Variants in EDN1 observed in about 807,000 individuals in gnomAD.
The protein encoded by EDN1 is endothelin-1.
EDN1 carries 11 observed loss-of-function variants against 21.7 expected under a neutral mutation model. That is an observed-to-expected ratio of 0.51 (90% CI 0.32 to 0.84). EDN1 has a LOEUF of 0.84. Among genes scored for constraint, EDN1 ranks in the 40% least tolerant of loss-of-function variants. The pLI is 0.03. For synonymous variants in EDN1, 85 were observed against 90.6 expected (o/e 0.94, Z 0.35); for missense variants, 244 against 262.3 (o/e 0.93, Z 0.48).
upstream of EDN1, among the ~76,000 whole-genome samples, chr6:12,289,738 C>G (rs916380534): frequency 4.6e-5 from 7 of 152,200 alleles, no homozygotes; most frequent in Non-Finnish European, 8.8e-5. Flanking sequence ...TTTAAGCTCC[C>G]TTTCTTGCCA....
the EDN1 span, among the ~76,000 whole-genome samples, chr6:12,239,011 T>C: frequency 6.6e-6 from 1 of 152,228 alleles, no homozygotes; most frequent in African/African-American, 2.4e-5. Flanking sequence ...TTCCAACTTA[T>C]AGCAACTTCT....
chr6:12,293,137 T>G (rs1033720519), intron 2 of EDN1, among the ~76,000 whole-genome samples: 1 of 152,166 alleles, frequency 6.6e-6, no homozygotes, highest in Admixed American at 6.5e-5. Flanking sequence ...ATTTCCTCCT[T>G]CTGCCCTGGA....
the EDN1 span, among the ~76,000 whole-genome samples, chr6:12,240,167 A>G: frequency 6.6e-6 from 1 of 152,200 alleles, no homozygotes; most frequent in Admixed American, 6.5e-5. Flanking sequence ...GCCTTTGACC[A>G]TTCAATACCT....
the EDN1 span, among the ~76,000 whole-genome samples, chr6:12,234,079 A>G: frequency 6.6e-6 from 1 of 152,212 alleles, no homozygotes; most frequent in African/African-American, 2.4e-5. Context: ...CATCTGTATC[A>G]GGGTTAGGAA....
the EDN1 span, among the ~76,000 whole-genome samples, chr6:12,239,626 A>C: frequency 6.6e-6 from 1 of 152,204 alleles, no homozygotes; most frequent in East Asian, 1.9e-4. Context: ...TAGAGGGAAC[A>C]GGCCTGGTGC....
At chr6:12,289,637 G>A (rs1174779629), upstream of EDN1, among the ~76,000 whole-genome samples, 1 of 152,138 alleles carries the variant, frequency 6.6e-6, no homozygotes, top group Non-Finnish European at 1.5e-5. Context: ...CTCCGCAGGG[G>A]AAGTGTGGAC....
the EDN1 span, among the ~76,000 whole-genome samples, chr6:12,247,525 T>C: frequency 7.8e-6 from 1 of 127,596 alleles, no homozygotes; most frequent in Non-Finnish European, 1.6e-5. Flanking sequence ...TCTTTTTTTT[T>C]TTCTTTCTTT....
At chr6:12,253,051 A>G in the EDN1 span, among the ~76,000 whole-genome samples, 3 of 152,216 alleles carry the variant, frequency 2.0e-5, no homozygotes, top group South Asian at 4.1e-4. Context: ...TGACCAAACT[A>G]TAATCTATGT....
upstream of EDN1, among the ~76,000 whole-genome samples, chr6:12,287,198 C>T (rs1255057367): frequency 2.6e-5 from 4 of 151,658 alleles, no homozygotes; most frequent in East Asian, 5.8e-4. Context: ...AAAAATCCTC[C>T]TCTTTACATC....
At chr6:12,255,744 T>C in the EDN1 span, among the ~76,000 whole-genome samples, 1 of 152,230 alleles carries the variant, frequency 6.6e-6, no homozygotes, top group African/African-American at 2.4e-5. Flanking sequence ...CAATATTAAC[T>C]GACAGACCAA....
At chr6:12,263,207 A>C in the EDN1 span, among the ~76,000 whole-genome samples, 1 of 152,228 alleles carries the variant, frequency 6.6e-6, no homozygotes, top group African/African-American at 2.4e-5. Context: ...GGGAATCTCA[A>C]ATACTTTTAA....
At chr6:12,248,907 GTGA>G in the EDN1 span, among the ~76,000 whole-genome samples, 1 of 152,212 alleles carries the variant, frequency 6.6e-6, no homozygotes. Flanking sequence ...TATATTCAAT[GTGA>G]TGATAGAACA....
chr6:12,233,012 C>T, the EDN1 span, among the ~76,000 whole-genome samples: 5 of 152,140 alleles, frequency 3.3e-5, no homozygotes, highest in Non-Finnish European at 7.4e-5. Flanking sequence ...ATCAGAGGAT[C>T]AGCTAGAAAA....
chr6:12,276,821 T>G, the EDN1 span, among the ~76,000 whole-genome samples: 83 of 152,350 alleles, frequency 5.4e-4, no homozygotes, highest in African/African-American at 1.9e-3. Flanking sequence ...TTTTGAAGAG[T>G]TCAGATTCAT....
the EDN1 span, among the ~76,000 whole-genome samples, chr6:12,271,563 A>T: frequency 6.6e-6 from 1 of 152,154 alleles, no homozygotes; most frequent in Non-Finnish European, 1.5e-5. Flanking sequence ...ATCATCGACC[A>T]TGTTGACTTT....
chr6:12,256,640 C>T, the EDN1 span, among the ~76,000 whole-genome samples: 1 of 152,124 alleles, frequency 6.6e-6, no homozygotes, highest in Non-Finnish European at 1.5e-5. Flanking sequence ...TATGAGCTCC[C>T]GCATGCACCA....
chr6:12,254,861 A>C, the EDN1 span, among the ~76,000 whole-genome samples: 1 of 152,192 alleles, frequency 6.6e-6, no homozygotes, highest in Admixed American at 6.5e-5. Flanking sequence ...CTTATGATTT[A>C]GAATAATTTT....
chr6:12,296,104 C>T lies in EDN1; in HGVS notation c.*37C>T, dbSNP rs760884925. 22 of 1,585,558 alleles carry T rather than the reference C, an allele frequency of 1.4e-5. No individual in the cohort carries two copies. Among genetic ancestry groups the T allele is most frequent in the Middle Eastern group, 1.7e-4 (1 of 6,030 alleles). ...GGCCTGTCTGAAGCCATAGCCTCCA[C>T]GGAGAGCCCTGTGGCCGACTCTGCA... On this transcript the variant is annotated 3_prime_UTR_variant, in exon 5 of 5. Transcript: ENST00000379375.
chr6:12,281,523 G>A, the EDN1 span, among the ~76,000 whole-genome samples: 1 of 152,258 alleles, frequency 6.6e-6, no homozygotes, highest in East Asian at 1.9e-4. Flanking sequence ...AAGGCAGAGA[G>A]AGGCTAAGTG....
Sources: gnomAD v4.1 joint callset for allele counts (sites outside exome capture counted in the v4.1 genomes callset) on GRCh38, gnomAD v4.1.1 for gene constraint, MANE v1.5 for transcripts, NCBI Gene and HGNC (gene_info 2026-07-23, HGNC 2026-07-21) for gene names.